Variants in NOL4 observed in about 807,000 individuals in gnomAD.
The protein encoded by NOL4 is cancer/testis antigen 125.
A neutral mutation model predicts 75.9 loss-of-function variants in NOL4; 17 were observed. That is an observed-to-expected ratio of 0.22 (90% CI 0.15 to 0.34). The LOEUF is 0.34. Ranked by LOEUF, NOL4 falls within the 10% of genes least tolerant of loss-of-function variation. NOL4 has a pLI of 1.00. For missense variants in NOL4, 614 were observed against 793.5 expected (o/e 0.77, Z 2.72); for synonymous variants, 292 against 289.9 (o/e 1.01, Z -0.07).
At chr18:33,916,401 G>A (rs1599857884) in intron 9 of NOL4, among the ~76,000 whole-genome samples, 1 of 152,034 alleles carries the variant, frequency 6.6e-6, no homozygotes, top group Admixed American at 6.6e-5. Flanking sequence ...ATTAGGGACC[G>A]GCGGCTCATC....
chr18:34,127,203 T>C (rs1348413605), intron 2 of NOL4, among the ~76,000 whole-genome samples: 6 of 152,012 alleles, frequency 3.9e-5, no homozygotes, highest in African/African-American at 9.6e-5. Flanking sequence ...AGGAATGATA[T>C]ACTGCAGATA....
chr18:34,028,834 G>A (rs1458428359), intron 5 of NOL4, among the ~76,000 whole-genome samples: 1 of 152,220 alleles, frequency 6.6e-6, no homozygotes, highest in Non-Finnish European at 1.5e-5. Flanking sequence ...AAAAGTGGTA[G>A]GGGAGCATTG....
chr18:34,198,813 T>C (rs1002491653), intron 1 of NOL4, among the ~76,000 whole-genome samples: 22 of 151,888 alleles, frequency 1.4e-4, no homozygotes, highest in African/African-American at 5.3e-4. Flanking sequence ...TTTTTCATTG[T>C]AATTCTGTCA....
chr18:33,925,910 G>T (rs549293281), intron 9 of NOL4, among the ~76,000 whole-genome samples: 2 of 152,292 alleles, frequency 1.3e-5, no homozygotes, highest in East Asian at 3.9e-4. Flanking sequence ...GGCCTGTAAA[G>T]TTCCCTGTAG....
chr18:34,022,381 A>AT (rs1302790371), intron 5 of NOL4, among the ~76,000 whole-genome samples: 1 of 151,996 alleles, frequency 6.6e-6, no homozygotes, highest in African/African-American at 2.4e-5. Context: ...ATAATATGAC[A>AT]TTTTTTATTA....
chr18:34,176,027 G>T (rs2146297933), intron 1 of NOL4, among the ~76,000 whole-genome samples: 1 of 152,042 alleles, frequency 6.6e-6, no homozygotes, highest in Non-Finnish European at 1.5e-5. Flanking sequence ...TGGATTTACT[G>T]GACAAAGACT....
At chr18:34,200,085 C>G (rs186541075) in intron 1 of NOL4, among the ~76,000 whole-genome samples, 34 of 151,926 alleles carry the variant, frequency 2.2e-4, no homozygotes, top group South Asian at 1.2e-3. Context: ...AGTGTCATCA[C>G]AGAAGTAAGC....
At chr18:34,112,456 A>G (rs1298772754) in intron 2 of NOL4, among the ~76,000 whole-genome samples, 3 of 150,942 alleles carry the variant, frequency 2.0e-5, no homozygotes, top group Non-Finnish European at 3.0e-5. Context: ...TCAATATTTA[A>G]TTTTATATGT....
intron 1 of NOL4, among the ~76,000 whole-genome samples, chr18:34,193,621 T>C (rs1346352016): frequency 2.6e-5 from 4 of 152,008 alleles, no homozygotes; most frequent in Admixed American, 2.6e-4. Context: ...AAAAAAACCT[T>C]TGCACACTGT....
At chr18:34,205,622 C>T (rs2036070310) in intron 1 of NOL4, among the ~76,000 whole-genome samples, 1 of 152,058 alleles carries the variant, frequency 6.6e-6, no homozygotes, top group African/African-American at 2.4e-5. Context: ...GGGTCCTAAT[C>T]TTGCATATTC....
intron 6 of NOL4, among the ~76,000 whole-genome samples, chr18:33,962,101 A>C (rs1054617964): frequency 7.2e-5 from 11 of 152,136 alleles, no homozygotes; most frequent in African/African-American, 1.2e-4. Context: ...GCCTGAGTCA[A>C]ATCAAGCTGA....
intron 6 of NOL4, among the ~76,000 whole-genome samples, chr18:33,992,722 G>A (rs1398470185): frequency 6.6e-6 from 1 of 151,970 alleles, no homozygotes; most frequent in Non-Finnish European, 1.5e-5. Context: ...CTAGGTAAAT[G>A]TAGTCAAAGT....
At chr18:33,873,139 T>A (rs1249212427) in intron 10 of NOL4, among the ~76,000 whole-genome samples, 1 of 152,026 alleles carries the variant, frequency 6.6e-6, no homozygotes, top group Non-Finnish European at 1.5e-5. Flanking sequence ...ATCTTCCAAT[T>A]GTGTAAAGGT....
intron 9 of NOL4, among the ~76,000 whole-genome samples, chr18:33,903,153 G>A (rs758911523): frequency 6.6e-6 from 1 of 152,122 alleles, no homozygotes; most frequent in African/African-American, 2.4e-5. Flanking sequence ...AATTCTGTAT[G>A]GCTGGGGAGG....
At chr18:34,003,522 C>T (rs2073857424) in intron 6 of NOL4, among the ~76,000 whole-genome samples, 1 of 152,050 alleles carries the variant, frequency 6.6e-6, no homozygotes, top group African/African-American at 2.4e-5. Context: ...AATGTATATG[C>T]AACCACATAT....
intron 10 of NOL4, among the ~76,000 whole-genome samples, chr18:33,869,351 G>A (rs1285266995): frequency 6.6e-6 from 1 of 152,012 alleles, no homozygotes; most frequent in Non-Finnish European, 1.5e-5. Context: ...TTAAGAAGAT[G>A]TGTAAGTGTT....
chr18:34,154,033 T>C (rs2029882884), intron 1 of NOL4, among the ~76,000 whole-genome samples: 1 of 151,960 alleles, frequency 6.6e-6, no homozygotes, highest in South Asian at 2.1e-4. Flanking sequence ...GAGTCAGACA[T>C]GTGTCCAGCT....
chr18:33,880,307 G>C (rs1163201558), intron 10 of NOL4, among the ~76,000 whole-genome samples: 1 of 72,716 alleles, frequency 1.4e-5, no homozygotes, highest in South Asian at 3.1e-4. Flanking sequence ...AAAGGGGTCT[G>C]TGTGTGTGTG....
At chr18:34,072,345 G>A (rs1420866445) in intron 5 of NOL4, among the ~76,000 whole-genome samples, 2 of 152,134 alleles carry the variant, frequency 1.3e-5, no homozygotes, top group African/African-American at 4.8e-5. Context: ...AAGACAAAAT[G>A]CACCAGAGAT....
Sources: gnomAD v4.1 joint callset for allele counts (sites outside exome capture counted in the v4.1 genomes callset) on GRCh38, gnomAD v4.1.1 for gene constraint, MANE v1.5 for transcripts, NCBI Gene and HGNC (gene_info 2026-07-23, HGNC 2026-07-21) for gene names.